The following CDH18 variants were observed in gnomAD, a reference collection of about 807,000 sequenced individuals.
CDH18 encodes cadherin 18.
In CDH18, 31 loss-of-function variants were observed where a neutral mutation model predicts 67.9. That is an observed-to-expected ratio of 0.46 (90% confidence interval 0.34 to 0.62). The LOEUF is 0.62. Ranked by LOEUF, CDH18 falls within the 20% of genes least tolerant of loss-of-function variation. CDH18 has a pLI of 0.01. For synonymous variants in CDH18, 362 were observed against 347.2 expected, an observed-to-expected ratio of 1.04 and a Z score of -0.48; for missense variants, 890 against 975.5, an observed-to-expected ratio of 0.91 and a Z score of 1.17.
chr5:20,128,865 A>G (rs919354631), intron 2 of CDH18, among the ~76,000 whole-genome samples: 1 of 152,048 alleles, frequency 6.6e-6, no homozygotes, highest in Non-Finnish European at 1.5e-5. Flanking sequence ...TCTCAGTGCA[A>G]TCATAATACA....
At chr5:20,400,418 C>A (rs1043447638) in intron 1 of CDH18, among the ~76,000 whole-genome samples, 11 of 151,986 alleles carry the variant, frequency 7.2e-5, no homozygotes, top group Non-Finnish European at 1.6e-4. Context: ...ACGGAGGTTG[C>A]AGTGAGCCGA....
At chr5:19,544,256 G>T (rs898098929) in intron 8 of CDH18, among the ~76,000 whole-genome samples, 2 of 151,970 alleles carry the variant, frequency 1.3e-5, no homozygotes, top group Non-Finnish European at 1.5e-5. Flanking sequence ...ATGAATAAAA[G>T]TAGATAGCAG....
intron 6 of CDH18, among the ~76,000 whole-genome samples, chr5:19,599,917 C>A (rs373124738): frequency 1.4e-3 from 207 of 151,908 alleles, no homozygotes; most frequent in Middle Eastern, 3.4e-3. Context: ...AAAAACAAAA[C>A]CAAAACAGAA....
intron 5 of CDH18, among the ~76,000 whole-genome samples, chr5:19,614,232 T>C (rs1291144612): frequency 1.3e-5 from 2 of 151,918 alleles, no homozygotes; most frequent in Non-Finnish European, 2.9e-5. Context: ...ATTGATTGGC[T>C]AAGTAATAAT....
At chr5:20,463,572 T>C (rs1443147273) in intron 1 of CDH18, among the ~76,000 whole-genome samples, 1 of 151,934 alleles carries the variant, frequency 6.6e-6, no homozygotes, top group Non-Finnish European at 1.5e-5. Flanking sequence ...AACCATCAGA[T>C]CTCGTGAGAA....
chr5:19,930,012 G>A (rs985367034), intron 2 of CDH18, among the ~76,000 whole-genome samples: 8 of 152,024 alleles, frequency 5.3e-5, no homozygotes, highest in African/African-American at 1.9e-4. Context: ...CAGGGTAAAA[G>A]ATAAGAATGG....
chr5:20,422,976 T>A (rs996078854), intron 1 of CDH18, among the ~76,000 whole-genome samples: 6 of 151,122 alleles, frequency 4.0e-5, no homozygotes, highest in Admixed American at 6.6e-5. Context: ...TTCACCAGTA[T>A]CCCTACTCTT....
chr5:19,807,914 T>C lies in CDH18; in HGVS notation c.228+30845A>G, dbSNP rs148773769. On this transcript the variant is annotated intron_variant, in intron 3 of 12. Coordinates refer to ENST00000382275, the MANE Select transcript of CDH18 (RefSeq NM_004934.5). ...AACCTTTCCCAATCTATCTGCTTTTTTCACTACTATATAAACAATGTGTAA... is the reference window on the plus strand; with the variant it reads ...AACCTTTCCCAATCTATCTGCTTTTCTCACTACTATATAAACAATGTGTAA... 4.4e-3 allele frequency among the ~76,000 whole-genome samples: 669 copies of C among 152,302 alleles called. 5 individuals carry two copies. The highest frequency in any genetic ancestry group is 0.016 in the African/African-American group (649 of 41,568).
At chr5:19,820,004 G>A (rs1050919816) in intron 3 of CDH18, among the ~76,000 whole-genome samples, 3 of 152,104 alleles carry the variant, frequency 2.0e-5, no homozygotes, top group Non-Finnish European at 4.4e-5. Flanking sequence ...GGTCCCAGAG[G>A]ACAAAGCTTT....
At chr5:20,066,569 A>T (rs1428108249) in intron 2 of CDH18, among the ~76,000 whole-genome samples, 1 of 152,066 alleles carries the variant, frequency 6.6e-6, no homozygotes, top group African/African-American at 2.4e-5. Flanking sequence ...TCCAGAGAAT[A>T]TGAGAAAACA....
chr5:19,713,272 C>T (rs1160040695), intron 5 of CDH18, among the ~76,000 whole-genome samples: 1 of 151,996 alleles, frequency 6.6e-6, no homozygotes, highest in Non-Finnish European at 1.5e-5. Context: ...GGTATAACTA[C>T]CATTTTATAG....
chr5:20,461,635 G>C (rs1443163521), intron 1 of CDH18, among the ~76,000 whole-genome samples: 1 of 151,992 alleles, frequency 6.6e-6, no homozygotes, highest in Non-Finnish European at 1.5e-5. Flanking sequence ...ATACAATCTA[G>C]TTTACTTTGG....
intron 2 of CDH18, among the ~76,000 whole-genome samples, chr5:20,138,842 A>C (rs1749979470): frequency 6.6e-6 from 1 of 152,190 alleles, no homozygotes; most frequent in South Asian, 2.1e-4. Context: ...AGAACATTCC[A>C]TGCTCATGGA....
At chr5:19,957,153 G>T (rs1438034737) in intron 2 of CDH18, among the ~76,000 whole-genome samples, 6 of 151,648 alleles carry the variant, frequency 4.0e-5, no homozygotes, top group Non-Finnish European at 8.8e-5. Context: ...CTCTTTCTCT[G>T]GCTATTTTAA....
At chr5:20,268,188 A>G (rs1392887489) in intron 1 of CDH18, among the ~76,000 whole-genome samples, 1 of 152,168 alleles carries the variant, frequency 6.6e-6, no homozygotes, top group Non-Finnish European at 1.5e-5. Flanking sequence ...TTCTTTATCC[A>G]ATCCATTACT....
chr5:20,548,772 C>T (rs116228221), intron 1 of CDH18, among the ~76,000 whole-genome samples: 198 of 152,248 alleles, frequency 1.3e-3, no homozygotes, highest in African/African-American at 4.5e-3. Flanking sequence ...AGTCATTGTT[C>T]TGTCCAATCC....
intron 4 of CDH18, among the ~76,000 whole-genome samples, chr5:19,735,695 G>A (rs549167431): frequency 4.6e-5 from 7 of 152,148 alleles, no homozygotes; most frequent in African/African-American, 7.2e-5. Context: ...GTGCCCAGCC[G>A]ATACTGGATA....
intron 1 of CDH18, among the ~76,000 whole-genome samples, chr5:20,401,312 C>T (rs1666333007): frequency 6.6e-6 from 1 of 152,132 alleles, no homozygotes; most frequent in South Asian, 2.1e-4. Context: ...ACATGCATTT[C>T]TCATGTAACT....
chr5:20,066,850 A>C (rs1266964927), intron 2 of CDH18, among the ~76,000 whole-genome samples: 1 of 151,898 alleles, frequency 6.6e-6, no homozygotes, highest in Non-Finnish European at 1.5e-5. Context: ...TATCCAAATA[A>C]ATTTATTTTT....
Sources: gnomAD v4.1 joint callset for allele counts (sites outside exome capture counted in the v4.1 genomes callset) on GRCh38, gnomAD v4.1.1 for gene constraint, MANE v1.5 for transcripts, NCBI Gene and HGNC (gene_info 2026-07-23, HGNC 2026-07-21) for gene names.